Variants in EPS15 observed in about 807,000 individuals in gnomAD.
The protein encoded by EPS15 is epidermal growth factor receptor pathway substrate 15.
Under a neutral mutation model 113.8 loss-of-function variants are expected in EPS15, and 72 were observed. That is an observed-to-expected ratio of 0.63 (90% confidence interval 0.52 to 0.77). EPS15 has a LOEUF of 0.77. Among genes scored for constraint, EPS15 ranks in the 30% least tolerant of loss-of-function variants. EPS15 has a pLI of 0.00. For missense variants in EPS15, 1,048 were observed against 1,045.8 expected (o/e 1.00, Z -0.03); for synonymous variants, 344 against 363.4 (o/e 0.95, Z 0.61).
chr1:51,379,100 C>T (rs903141921), intron 21 of EPS15, among the ~76,000 whole-genome samples: 1 of 152,142 alleles, frequency 6.6e-6, no homozygotes, highest in Non-Finnish European at 1.5e-5. Context: ...ACTGACTCAT[C>T]ATGCAGAAGG....
At chr1:51,358,955 C>T (rs1240059675) in intron 24 of EPS15, among the ~76,000 whole-genome samples, 3 of 151,872 alleles carry the variant, frequency 2.0e-5, no homozygotes, top group East Asian at 3.9e-4. Context: ...CCGCCCGCTT[C>T]GGCCTTCCAA....
At chr1:51,481,695 T>A (rs1034216376) in intron 1 of EPS15, among the ~76,000 whole-genome samples, 6 of 152,212 alleles carry the variant, frequency 3.9e-5, no homozygotes, top group Non-Finnish European at 5.9e-5. Context: ...CCAAAGTACC[T>A]ATGAATACAT....
At chr1:51,465,211 T>G in intron 6 of EPS15, 50 bp downstream of exon 6, 1 of 1,093,704 alleles carries the variant, frequency 9.1e-7, no homozygotes, top group South Asian at 1.3e-5. Context: ...AGAGAGAGAG[T>G]AGATAGGAAG....
chr1:51,517,334 A>G (rs984798619), intron 1 of EPS15, among the ~76,000 whole-genome samples: 2 of 152,258 alleles, frequency 1.3e-5, no homozygotes, highest in African/African-American at 4.8e-5. Context: ...GTACACATTA[A>G]TACCTAAATA....
chr1:51,394,351 T>C lies in EPS15; in HGVS notation c.2119+30A>G, dbSNP rs374803434. 4.6e-5 allele frequency: 67 copies of C among 1,441,766 alleles called. No individual in the cohort carries two copies. In the Middle Eastern group the frequency reaches 5.3e-4, roughly 11 times the overall value. 89.3% of individuals were successfully genotyped at this position (1,441,766 alleles called of 1,614,324 possible). A position where few individuals can be genotyped will look rare whatever the true frequency, so the allele number is the denominator to read the frequency against. On this transcript the variant is annotated intron_variant, in intron 21 of 24. Coordinates refer to ENST00000371733, the MANE Select transcript of EPS15 (RefSeq NM_001981.3). ...AGAATCTTAAAAAAAATGTTTAATG[T>C]TCAATGAAGTTGATAAATTATTTAT...
chr1:51,484,407 A>G (rs547690880), intron 1 of EPS15, among the ~76,000 whole-genome samples: 2 of 152,076 alleles, frequency 1.3e-5, no homozygotes, highest in Admixed American at 6.5e-5. Flanking sequence ...ATTTAAAAAA[A>G]TTTTTTAAAT....
Position 51,381,870 on chromosome 1 carries a change from A to G in EPS15, c.2119+12511T>C, listed in dbSNP as rs1646949424. ...TACTTAAAAAAGAAGAGCTCAAATC[A>G]ACAACCTAACTTTACACTGTAAAGG... On this transcript the variant is annotated intron_variant, in intron 21 of 24. Coordinates refer to ENST00000371733, the MANE Select transcript of EPS15 (RefSeq NM_001981.3). Among the ~76,000 whole-genome samples, 10 of 152,260 alleles carry G rather than the reference A, an allele frequency of 6.6e-5. No homozygotes were observed. The South Asian group carries it at 2.1e-3, about 32-fold the overall frequency.
At chr1:51,426,370 A>G (rs1226413650) in intron 12 of EPS15, among the ~76,000 whole-genome samples, 2 of 147,648 alleles carry the variant, frequency 1.4e-5, no homozygotes, top group Admixed American at 6.9e-5. Context: ...CCTGTGACCA[A>G]TGCCAAAGCA....
chr1:51,481,419 A>C, intron 1 of EPS15, 105 bp from the exon 2 acceptor site: 2 of 670,384 alleles, frequency 3.0e-6, no homozygotes, highest in South Asian at 3.4e-5. Context: ...GAATAAGATA[A>C]AATATCCTTG....
chr1:51,424,965 T>C (rs1651080115), intron 12 of EPS15, among the ~76,000 whole-genome samples: 2 of 152,172 alleles, frequency 1.3e-5, no homozygotes, highest in South Asian at 2.1e-4. Flanking sequence ...ACCACTCATC[T>C]TGGATGTCAT....
At position 51,408,277 on chromosome 1, in the gene EPS15, T is replaced by C. The variant is rs201164701; in HGVS notation, c.1331A>G (p.Glu444Gly). The C allele has an allele frequency of 1.2e-6, 2 of 1,613,934 alleles. No homozygotes were observed. The highest frequency in any genetic ancestry group is 2.7e-5 in the African/African-American group (2 of 75,042). The change falls in exon 15 of 25, where the codon GAA becomes GGA. Residue 444 changes from glutamate (E) to glycine (G), a missense_variant. By Grantham distance (98) the Glu-to-Gly change is moderately conservative. Transcript: ENST00000371733. ...TTCTCTAGCTTTTGCCAATTCTTCT[T>C]CGTAAGTGGAGATCTGCGATTCCTG... The part of the protein sequence containing the change: ...TSQESQISTY[E>G]EELAKAREEL...
intron 6 of EPS15, among the ~76,000 whole-genome samples, chr1:51,464,880 C>T (rs1186806326): frequency 1.3e-5 from 2 of 152,152 alleles, no homozygotes; most frequent in African/African-American, 2.4e-5. Context: ...AACTATAATG[C>T]AAAATACCTA....
intron 10 of EPS15, 72 bp from the exon 11 acceptor site, chr1:51,445,117 A>T: frequency 3.6e-6 from 5 of 1,380,566 alleles, no homozygotes; most frequent in Non-Finnish European, 5.0e-6. Context: ...AAGTACCACT[A>T]TGCAGCTTTT....
Position 51,488,490 on chromosome 1 carries a change from A to AAAAC in EPS15, c.34-7177_34-7176insGTTT, listed in dbSNP as rs1553135711. 4.7e-4 allele frequency among the ~76,000 whole-genome samples: 71 copies of AAAAC among 150,372 alleles called. 1 individual carries two copies. In the South Asian group the frequency reaches 5.2e-3, roughly 11 times the overall value. On this transcript the variant is annotated intron_variant, in intron 1 of 24. Transcript: ENST00000371733. ...AGTTTTGTAAAAAAAAAAAAAAAAAAAAAAAACTCAGACTTTGTATCAGAA... is the reference window on the plus strand; with the variant it reads ...AGTTTTGTAAAAAAAAAAAAAAAAAAAAACAAAAAACTCAGACTTTGTATCAGAA...
At chr1:51,504,326 C>G (rs901160938) in intron 1 of EPS15, among the ~76,000 whole-genome samples, 2 of 152,160 alleles carry the variant, frequency 1.3e-5, no homozygotes, top group African/African-American at 4.8e-5. Flanking sequence ...GGGAGGATCA[C>G]TTGAGCCCTG....
In EPS15 at chr1:51,356,498, G is replaced by T; in HGVS notation, c.*202C>A. The T allele has an allele frequency of 2.1e-6, 1 of 477,590 alleles. No homozygotes were observed. Among genetic ancestry groups the T allele is most frequent in the Admixed American group, 3.9e-5 (1 of 25,508 alleles). The allele number at this position is 477,590 out of a possible 1,614,324, so 29.6% of individuals were successfully genotyped here. A position where few individuals can be genotyped will look rare whatever the true frequency, so the allele number is the denominator to read the frequency against. Reference sequence around the variant, plus strand: ...TAAGTGAAGGTGAATTTGTCTGACTGGGTTACGGCTTTTATAAGAAAAAAA... The same window carrying T: ...TAAGTGAAGGTGAATTTGTCTGACTTGGTTACGGCTTTTATAAGAAAAAAA... On this transcript the variant is annotated 3_prime_UTR_variant, in exon 25 of 25. Transcript: ENST00000371733.
chr1:51,465,124 A>T lies in EPS15; in HGVS notation c.375+137T>A. On this transcript the variant is annotated intron_variant, in intron 6 of 24. Transcript: ENST00000371733. The stretch of plus-strand genomic sequence containing the variant: ...CAGAGCCGAAAGATCCCTCAGAAAC[A>T]CCAGTAACAGCTTCTCCCCTACCTT... 3 of 495,438 alleles carry T rather than the reference A, an allele frequency of 6.1e-6. No individual in the cohort carries two copies. In the South Asian group the frequency reaches 1.2e-4, roughly 20 times the overall value. The allele number at this position is 495,438 out of a possible 1,614,324, so 30.7% of individuals were successfully genotyped here.
chr1:51,356,681 CA>C lies in EPS15; in HGVS notation c.*18del, dbSNP rs747789870. 1 of 1,609,882 alleles carries C rather than the reference CA, an allele frequency of 6.2e-7. No homozygotes were observed. Among genetic ancestry groups the C allele is most frequent in the Admixed American group, 1.7e-5 (1 of 59,608 alleles). ...AGGAAGAAGAATACTATATTGTTGC[CA>C]AAGAACAAGAGAATTCTTCATGCTT... On this transcript the variant is annotated 3_prime_UTR_variant, in exon 25 of 25. Transcript: ENST00000371733.
intron 15 of EPS15, among the ~76,000 whole-genome samples, chr1:51,406,836 T>C (rs1649179427): frequency 6.6e-6 from 1 of 152,120 alleles, no homozygotes; most frequent in East Asian, 1.9e-4. Flanking sequence ...GACAGACATA[T>C]AAGCAAATAT....
Sources: allele counts gnomAD v4.1 joint callset (sites outside exome capture counted in the v4.1 genomes callset), GRCh38; gene constraint gnomAD v4.1.1; transcripts MANE v1.5; gene names NCBI Gene and HGNC (gene_info 2026-07-23, HGNC 2026-07-21).